GSE1: variants seen among roughly 807,000 people sequenced by gnomAD.
The protein encoded by GSE1 is Gse1 coiled-coil protein.
A neutral mutation model predicts 112.6 loss-of-function variants in GSE1; 32 were observed. The observed-to-expected ratio is 0.28, with a 90% CI of 0.21 to 0.38. GSE1 has a LOEUF of 0.38. Ranked by LOEUF, GSE1 falls within the 10% of genes least tolerant of loss-of-function variation. The probability of loss-of-function intolerance (pLI) is 1.00; values close to 1 mark genes in which losing one functional copy is unlikely to be tolerated. For synonymous variants in GSE1, 1,115 were observed against 735.6 expected, an observed-to-expected ratio of 1.52 and a Z score of -8.35; for missense variants, 2,348 against 1,699.2, an observed-to-expected ratio of 1.38 and a Z score of -6.71.
chr16:85,602,802 G>T (rs866635067), intron 1 of GSE1, among the ~76,000 whole-genome samples: 1 of 152,360 alleles, frequency 6.6e-6, no homozygotes, highest in South Asian at 2.1e-4. Context: ...GGCTCAGCAG[G>T]TGGAAGTGTA....
intron 1 of GSE1, among the ~76,000 whole-genome samples, chr16:85,587,893 C>T (rs890256833): frequency 6.6e-6 from 1 of 152,160 alleles, no homozygotes; most frequent in Non-Finnish European, 1.5e-5. Flanking sequence ...TAAGGTTTTG[C>T]AGGACAGGCA....
chr16:85,592,819 C>G (rs1251211620), intron 1 of GSE1: 1 of 152,616 alleles, frequency 6.6e-6, no homozygotes, highest in East Asian at 1.9e-4. Context: ...GACGGCACCC[C>G]TTGCAGACCT....
chr16:85,361,959 C>A (rs115371262), intron 2 of GSE1, among the ~76,000 whole-genome samples: 1 of 152,358 alleles, frequency 6.6e-6, no homozygotes, highest in South Asian at 2.1e-4. Flanking sequence ...GGCAAAGGCT[C>A]CTGGTGGCTG....
intron 9 of GSE1, chr16:85,662,323 G>C (rs2052502773): frequency 6.5e-6 from 1 of 154,790 alleles, no homozygotes; most frequent in African/African-American, 2.4e-5. Context: ...GAGCAGGCGA[G>C]AGTGTGCAGA....
At chr16:85,559,960 G>A (rs1358080171) in intron 1 of GSE1, among the ~76,000 whole-genome samples, 1 of 152,132 alleles carries the variant, frequency 6.6e-6, no homozygotes, top group African/African-American at 2.4e-5. Flanking sequence ...CCCACGCTCT[G>A]TTGCAAGAAA....
At chr16:85,294,739 T>A (rs2151447606) in intron 1 of GSE1, among the ~76,000 whole-genome samples, 1 of 133,986 alleles carries the variant, frequency 7.5e-6, no homozygotes, top group South Asian at 2.7e-4. Context: ...CCAGCATGGG[T>A]GCTTCAGGGT....
Position 85,653,397 on chromosome 16 carries a change from G to A in GSE1, c.427-881G>A, listed in dbSNP as rs868549068. Among the ~76,000 whole-genome samples the A allele has an allele frequency of 1.8e-4, 26 of 145,400 alleles. No homozygotes were observed. The Middle Eastern group carries it at 0.014, about 77-fold the overall frequency. On this transcript the variant is annotated intron_variant, in intron 3 of 15. Transcript: ENST00000253458. ...CTGGTTTCTCCGGGCTGGACCCTGC[G>A]TGTGTGCGGGGCAGCCTCTGCGTGG...
Position 85,359,070 on chromosome 16 carries a change from G to A in GSE1, c.2464+1427G>A, listed in dbSNP as rs1446617709. On this transcript the variant is annotated intron_variant, in intron 2 of 2. Coordinates refer to the GSE1 transcript ENST00000637419. ...AGGCCTTGGCACCCTCAGTGTTCAGGGTGCAGGCTGGGGCCAGGGAGTTAT... is the reference window on the plus strand; with the variant it reads ...AGGCCTTGGCACCCTCAGTGTTCAGAGTGCAGGCTGGGGCCAGGGAGTTAT... Among the ~76,000 whole-genome samples, 3 of 152,274 alleles carry A rather than the reference G, an allele frequency of 2.0e-5. No individual in the cohort carries two copies. In the East Asian group the frequency reaches 5.8e-4, roughly 29 times the overall value.
chr16:85,575,860 A>G (rs1263207067), intron 1 of GSE1, among the ~76,000 whole-genome samples: 33 of 144,494 alleles, frequency 2.3e-4, no homozygotes, highest in Admixed American at 2.2e-3. Context: ...TAGCTGTTGA[A>G]TTTTCATTAT....
Position 85,631,232 on chromosome 16 carries a change from G to A in GSE1, c.8-2682G>A, listed in dbSNP as rs374114221. 4.9e-4 allele frequency among the ~76,000 whole-genome samples: 75 copies of A among 152,338 alleles called. No individual in the cohort carries two copies. In the South Asian group the frequency reaches 0.015, roughly 30 times the overall value. ...CTCGGTGTGGTGCTGAAGGTGCTTC[G>A]GTGACAGATAGGACCCGGAGGTCCT... On this transcript the variant is annotated intron_variant, in intron 1 of 15. Transcript: ENST00000253458.
rs534754770 is a variant in GSE1, at chr16:85,506,823, C to A, written c.2465-127091C>A. 8.3e-4 allele frequency among the ~76,000 whole-genome samples: 126 copies of A among 152,278 alleles called. 1 individual carries two copies. The highest frequency in any genetic ancestry group is 2.9e-3 in the African/African-American group (122 of 41,528). ...GGGGAAGTGATCATAGCAGACGAAG[C>A]CTTTGTTCCCCCAAACCTTATAGCT... On this transcript the variant is annotated intron_variant, in intron 2 of 2. Transcript: ENST00000637419.
At chr16:85,372,914 C>T (rs1194105120) in intron 2 of GSE1, among the ~76,000 whole-genome samples, 2 of 152,204 alleles carry the variant, frequency 1.3e-5, no homozygotes, top group South Asian at 2.1e-4. Flanking sequence ...ACGGTCGTCC[C>T]GCCAGTCAGC....
chr16:85,502,329 T>A (rs949842145), intron 2 of GSE1, among the ~76,000 whole-genome samples: 2 of 152,128 alleles, frequency 1.3e-5, no homozygotes, highest in African/African-American at 4.8e-5. Context: ...GCGCCGTGGG[T>A]AGCGCAGGTT....
At chr16:85,665,206 G>A (rs1430018095) in intron 12 of GSE1, 78 bp downstream of exon 12, 4 of 784,348 alleles carry the variant, frequency 5.1e-6, no homozygotes, top group Non-Finnish European at 8.8e-6. Flanking sequence ...GACCACTCGA[G>A]GTCTTCATCA....
At chr16:85,444,109 G>A (rs923342216) in intron 2 of GSE1, among the ~76,000 whole-genome samples, 6 of 147,914 alleles carry the variant, frequency 4.1e-5, no homozygotes, top group East Asian at 2.0e-4. Context: ...CTCAGCCTCC[G>A]GAGTAGATGG....
At chr16:85,252,574 C>G (rs1906607528) in intron 1 of GSE1, among the ~76,000 whole-genome samples, 1 of 152,236 alleles carries the variant, frequency 6.6e-6, no homozygotes, top group African/African-American at 2.4e-5. Context: ...AGGTGTCAGG[C>G]CCAGAAGTGC....
chr16:85,417,686 G>A (rs906372554), intron 2 of GSE1, among the ~76,000 whole-genome samples: 18 of 152,226 alleles, frequency 1.2e-4, no homozygotes, highest in Non-Finnish European at 2.6e-4. Context: ...AGGAGGGGGC[G>A]CTGGGCCCAG....
intron 1 of GSE1, among the ~76,000 whole-genome samples, chr16:85,245,894 T>G (rs912284483): frequency 1.3e-5 from 2 of 151,018 alleles, no homozygotes; most frequent in African/African-American, 2.4e-5. Flanking sequence ...TGTGTGTGCG[T>G]GTGTGTCGAG....
chr16:85,619,002 A>G (rs1373946978), intron 1 of GSE1, among the ~76,000 whole-genome samples: 1 of 152,162 alleles, frequency 6.6e-6, no homozygotes, highest in African/African-American at 2.4e-5. Context: ...CTGTTCCCCT[A>G]CGCTCAACTG....
Sources: allele counts gnomAD v4.1 joint callset (sites outside exome capture counted in the v4.1 genomes callset), GRCh38; gene constraint gnomAD v4.1.1; transcripts MANE v1.5; gene names NCBI Gene and HGNC (gene_info 2026-07-23, HGNC 2026-07-21).